The following SHC4 variants were observed in gnomAD, a reference collection of about 807,000 sequenced individuals.
SHC4 encodes the protein SHC-transforming protein 4.
SHC4 carries 41 observed loss-of-function variants against 69.4 expected under a neutral mutation model. The ratio of observed to expected loss-of-function variants is 0.59; its 90% CI spans 0.46 to 0.77. The LOEUF (loss-of-function observed/expected upper bound fraction) is 0.77. SHC4 is among the 30% of genes least tolerant of loss of function. The probability of loss-of-function intolerance (pLI) is 0.00; values close to 1 mark genes in which losing one functional copy is unlikely to be tolerated. For missense variants in SHC4, 777 were observed against 783.8 expected, an observed-to-expected ratio of 0.99 and a Z score of 0.10; for synonymous variants, 318 against 299.3, an observed-to-expected ratio of 1.06 and a Z score of -0.64.
At chr15:48,891,351 T>C (rs192746949) in intron 2 of SHC4, among the ~76,000 whole-genome samples, 1 of 152,242 alleles carries the variant, frequency 6.6e-6, no homozygotes, top group African/African-American at 2.4e-5. Context: ...TGAGCTTTCA[T>C]GTAATTTCAC....
intron 4 of SHC4, chr15:48,880,177 G>C (rs965376361): frequency 4.8e-5 from 8 of 166,980 alleles, no homozygotes; most frequent in African/African-American, 1.9e-4. Context: ...AATGCAACAG[G>C]ACAATTCAGA....
At chr15:48,901,270 T>C (rs1900314450) in intron 2 of SHC4, among the ~76,000 whole-genome samples, 1 of 152,204 alleles carries the variant, frequency 6.6e-6, no homozygotes, top group Non-Finnish European at 1.5e-5. Context: ...TGTAAGAGGC[T>C]TTGGGGTCGT....
At chr15:48,848,106 C>CTAGGGATG (rs1287529787) in intron 9 of SHC4, among the ~76,000 whole-genome samples, 1 of 152,026 alleles carries the variant, frequency 6.6e-6, no homozygotes, top group African/African-American at 2.4e-5. Context: ...TTATAGGTGC[C>CTAGGGATG]TAGGGATGAA....
At chr15:48,961,403 A>C (rs1595771677) in intron 1 of SHC4, among the ~76,000 whole-genome samples, 1 of 151,598 alleles carries the variant, frequency 6.6e-6, no homozygotes, top group African/African-American at 2.4e-5. Context: ...ACTACAAGCC[A>C]CCCCCTCCCT....
intron 2 of SHC4, among the ~76,000 whole-genome samples, chr15:48,907,838 G>GTATATATATATA (rs1491440626): frequency 8.8e-6 from 1 of 113,738 alleles, no homozygotes; most frequent in African/African-American, 3.4e-5. Flanking sequence ...GTGTGTGTGT[G>GTATATATATATA]TGTATATATA....
chr15:48,864,557 C>T (rs1205288673), intron 6 of SHC4, among the ~76,000 whole-genome samples: 3 of 147,994 alleles, frequency 2.0e-5, no homozygotes, highest in African/African-American at 7.5e-5. Flanking sequence ...ACACCATTCT[C>T]CTGCCTCAGC....
At chr15:48,873,557 A>T (rs1275908744) in intron 4 of SHC4, among the ~76,000 whole-genome samples, 1 of 152,174 alleles carries the variant, frequency 6.6e-6, no homozygotes, top group Admixed American at 6.5e-5. Flanking sequence ...ATCCTAGCTA[A>T]CACAGTGAAA....
intron 2 of SHC4, among the ~76,000 whole-genome samples, chr15:48,920,519 C>A (rs552669016): frequency 6.6e-6 from 1 of 152,134 alleles, no homozygotes; most frequent in Non-Finnish European, 1.5e-5. Context: ...AATTATTCTG[C>A]CTGCCTCAGC....
At chr15:48,941,793 A>T (rs926340849) in intron 1 of SHC4, among the ~76,000 whole-genome samples, 1 of 152,144 alleles carries the variant, frequency 6.6e-6, no homozygotes, top group Non-Finnish European at 1.5e-5. Context: ...GTTTTGTTTC[A>T]TGGATATACC....
At chr15:48,847,776 G>A (rs1419337513) in intron 9 of SHC4, among the ~76,000 whole-genome samples, 1 of 152,056 alleles carries the variant, frequency 6.6e-6, no homozygotes, top group Non-Finnish European at 1.5e-5. Context: ...GCCAAGGCGG[G>A]CAGATCACCT....
chr15:48,833,210 C>T (rs1479363686), intron 11 of SHC4, among the ~76,000 whole-genome samples: 1 of 152,162 alleles, frequency 6.6e-6, no homozygotes, highest in Non-Finnish European at 1.5e-5. Flanking sequence ...AATAGAGATT[C>T]TGGGGGTCTC....
At chr15:48,911,418 G>A (rs1900506132) in intron 2 of SHC4, among the ~76,000 whole-genome samples, 1 of 152,076 alleles carries the variant, frequency 6.6e-6, no homozygotes, top group Non-Finnish European at 1.5e-5. Context: ...TGCATGAAAT[G>A]GTTTTTTCCT....
At chr15:48,894,839 G>A (rs1344262458) in intron 2 of SHC4, among the ~76,000 whole-genome samples, 3 of 152,100 alleles carry the variant, frequency 2.0e-5, no homozygotes, top group East Asian at 3.9e-4. Flanking sequence ...AGGTTGGAGT[G>A]CAGTGGTGGG....
At chr15:48,829,482 C>A (rs1034686975) in intron 11 of SHC4, among the ~76,000 whole-genome samples, 2 of 152,054 alleles carry the variant, frequency 1.3e-5, no homozygotes, top group Non-Finnish European at 2.9e-5. Flanking sequence ...TATATCATGT[C>A]CTTCTTTGTC....
chr15:48,875,063 C>CTT (rs1899768260), intron 4 of SHC4, among the ~76,000 whole-genome samples: 1 of 152,188 alleles, frequency 6.6e-6, no homozygotes, highest in Non-Finnish European at 1.5e-5. Flanking sequence ...CTGCAGAAGA[C>CTT]TTTAAGACTG....
chr15:48,962,645 T>C lies in SHC4; in HGVS notation c.371A>G (p.Asp124Gly). 6.2e-7 allele frequency: 1 copy of C among 1,614,174 alleles called. No individual in the cohort carries two copies. Among genetic ancestry groups the C allele is most frequent in the African/African-American group, 1.3e-5 (1 of 75,046 alleles). ...VPRLKLQESRDPGSSGPSSPE... is the reference protein window; with the variant it reads ...VPRLKLQESRGPGSSGPSSPE... ...GGAAGAGGGGCCGCTGGAACCTGGGTCCCGGCTTTCCTGGAGCTTCAGCCG... is the reference window on the plus strand; with the variant it reads ...GGAAGAGGGGCCGCTGGAACCTGGGCCCCGGCTTTCCTGGAGCTTCAGCCG... The change falls in exon 1 of 12, where the codon GAC (aspartate) becomes GGC (glycine). Residue 124 changes from aspartate to glycine, a missense_variant. By Grantham distance (94) the Asp-to-Gly change is moderately conservative (BLOSUM62 -1). Coordinates refer to ENST00000332408, the MANE Select transcript of SHC4 (RefSeq NM_203349.4).
At chr15:48,953,816 T>C (rs1408678687) in intron 1 of SHC4, among the ~76,000 whole-genome samples, 1 of 152,156 alleles carries the variant, frequency 6.6e-6, no homozygotes, top group Non-Finnish European at 1.5e-5. Flanking sequence ...GATGTACGAG[T>C]AGCTCATAGC....
chr15:48,871,943 T>C (rs1189384761), intron 5 of SHC4, 146 bp downstream of exon 5: 3 of 577,778 alleles, frequency 5.2e-6, no homozygotes, highest in East Asian at 6.7e-5. Context: ...ATGTAGCTAT[T>C]CACAGACTGT....
chr15:48,846,067 C>T (rs147933089), intron 9 of SHC4, among the ~76,000 whole-genome samples: 14 of 151,920 alleles, frequency 9.2e-5, no homozygotes, highest in Non-Finnish European at 1.5e-4. Flanking sequence ...GATGCAAACA[C>T]AGCTTACTGC....
Sources: gnomAD v4.1 joint callset for allele counts (sites outside exome capture counted in the v4.1 genomes callset) on GRCh38, gnomAD v4.1.1 for gene constraint, MANE v1.5 for transcripts, NCBI Gene and HGNC (gene_info 2026-07-23, HGNC 2026-07-21) for gene names.